The following WNT7B variants were observed in gnomAD, a reference collection of about 807,000 sequenced individuals.
The protein encoded by WNT7B is protein Wnt-7b.
In WNT7B, 19 loss-of-function variants were observed where a neutral mutation model predicts 38.2. That is an observed-to-expected ratio of 0.50 (90% CI 0.35 to 0.73). WNT7B has a LOEUF of 0.73. Ranked by LOEUF, WNT7B falls within the 30% of genes least tolerant of loss-of-function variation. WNT7B has a pLI of 0.01. For missense variants in WNT7B, 423 were observed against 507.9 expected, an observed-to-expected ratio of 0.83 and a Z score of 1.61; for synonymous variants, 243 against 209.3, an observed-to-expected ratio of 1.16 and a Z score of -1.39.
At chr22:45,958,404 GT>G (rs140845990) in intron 1 of WNT7B, among the ~76,000 whole-genome samples, 61 of 152,306 alleles carry the variant, frequency 4.0e-4, no homozygotes, top group African/African-American at 1.3e-3. Flanking sequence ...CGACACCCCT[GT>G]TGTGTTCAGG....
rs117155368 is a variant in WNT7B at position 45,930,162 on chromosome 22, C to A, written c.570+936G>T. On this transcript the variant is annotated intron_variant, in intron 3 of 3. Transcript: ENST00000339464. ...AGCCCTCACCGTCCTGGGTGTGACC[C>A]CTGCACCCCTCATGTGGACCCAGTT... Among the ~76,000 whole-genome samples the A allele has an allele frequency of 2.7e-3, 416 of 152,372 alleles. 5 individuals are homozygous for A. Among genetic ancestry groups the A allele is most frequent in the Admixed American group, 7.5e-3 (115 of 15,310 alleles).
At position 45,976,103 on chromosome 22, in the gene WNT7B, G is replaced by T. The variant is rs1932544997; in HGVS notation, c.71+581C>A. 6.9e-6 allele frequency: 1 copy of T among 145,476 alleles called. No individual in the cohort carries two copies. Among genetic ancestry groups the T allele is most frequent in the South Asian group, 2.1e-4 (1 of 4,796 alleles). The allele number at this position is 145,476 out of a possible 1,614,324, so 9.0% of individuals were successfully genotyped here. A position where few individuals can be genotyped will look rare whatever the true frequency, so the allele number is the denominator to read the frequency against. On this transcript the variant is annotated intron_variant, in intron 1 of 3. Coordinates refer to ENST00000339464, the MANE Select transcript of WNT7B (RefSeq NM_058238.3). This position sits in a 1 kb window ranked among gnomAD's most constrained non-coding sequence, Gnocchi z 8.5. ...GCACGGGCCCCGGACCGAGCCCGAG[G>T]CGGCCCGGCCGGCCCCACGGCCCAT...
chr22:45,941,395 C>T, intron 2 of WNT7B, among the ~76,000 whole-genome samples: 1 of 151,504 alleles, frequency 6.6e-6, no homozygotes, highest in East Asian at 1.9e-4. Flanking sequence ...CCTGTAATCC[C>T]AGCTACTCGG....
Position 45,923,246 on chromosome 22 carries a change from C to A in WNT7B, c.660G>T (p.Lys220Asn), listed in dbSNP as rs1601712224. The change falls in exon 4 of 4, where the codon AAG becomes AAT. Residue 220 changes from lysine (K) to asparagine (N), a missense_variant. Lys to Asn is a moderately conservative substitution (Grantham distance 94). Around this residue, in one of 3 missense-constraint regions of WNT7B, gnomAD observed 158 missense variants for 214.7 expected, o/e 0.74. Transcript: ENST00000339464. ...TCAGCAGGTGGCCCACCTCTCGGAA[C>A]TTGGGCAGCGTGGTCCAGCAGGTTT... is the stretch of plus-strand genomic sequence containing the variant. ...TTKTCWTTLP[K>N]FREVGHLLKE... The A allele has an allele frequency of 5.0e-6, 8 of 1,613,530 alleles. No homozygotes were observed. Among genetic ancestry groups the A allele is most frequent in the Non-Finnish European group, 6.8e-6 (8 of 1,180,034 alleles).
chr22:45,946,228 C>T (rs954709037), intron 2 of WNT7B, among the ~76,000 whole-genome samples: 3 of 152,224 alleles, frequency 2.0e-5, no homozygotes, highest in South Asian at 4.1e-4. Context: ...AAGCTCCTGT[C>T]ATTCCTGCAA....
chr22:45,944,125 G>A (rs28703961), intron 2 of WNT7B, among the ~76,000 whole-genome samples: 3,414 of 152,298 alleles, frequency 0.022, 153 homozygotes, highest in African/African-American at 0.079. Context: ...TGGGACCCGG[G>A]CAGATAGGGC....
Position 45,975,627 on chromosome 22 carries a change from A to C in WNT7B, c.71+1057T>G. 1.4e-6 allele frequency: 1 copy of C among 714,436 alleles called. No individual in the cohort carries two copies. Among genetic ancestry groups the C allele is most frequent in the Non-Finnish European group, 2.6e-6 (1 of 383,452 alleles). The allele number at this position is 714,436 out of a possible 1,614,324, so 44.3% of individuals were successfully genotyped here. A position where few individuals can be genotyped will look rare whatever the true frequency, so the allele number is the denominator to read the frequency against. On this transcript the variant is annotated intron_variant, in intron 1 of 3. Coordinates refer to ENST00000339464, the MANE Select transcript of WNT7B (RefSeq NM_058238.3). The surrounding 1 kb of genome is among the most constrained non-coding windows in gnomAD (Gnocchi z 6.6). ...CCTGCTTCCACCTCTCCGCCTGGGA[A>C]GCCGCGTCTCCCACCAGTGGTACCT...
At chr22:45,944,259 G>A (rs10453454) in intron 2 of WNT7B, among the ~76,000 whole-genome samples, 12 of 152,212 alleles carry the variant, frequency 7.9e-5, no homozygotes, top group East Asian at 7.7e-4. Context: ...AGGTGGCCTC[G>A]GAGGGGCCAT....
chr22:45,931,451 T>C (rs1931356688), intron 2 of WNT7B, 82 bp from the exon 3 acceptor site: 2 of 1,434,324 alleles, frequency 1.4e-6, no homozygotes, highest in Non-Finnish European at 1.8e-6. Flanking sequence ...CGGGCCTCGA[T>C]CCACCTGCTG....
In WNT7B at chr22:45,975,758, G is replaced by A. The variant is rs1601746466; in HGVS notation, c.71+926C>T. ...CAGTAGGCGCGCAGGGCGCGGCGGGGCCCGGGTCCCCGCAGGTGCGAGGAG... is the reference window on the plus strand; with the variant it reads ...CAGTAGGCGCGCAGGGCGCGGCGGGACCCGGGTCCCCGCAGGTGCGAGGAG... On this transcript the variant is annotated intron_variant, in intron 1 of 3. Coordinates refer to ENST00000339464, the MANE Select transcript of WNT7B (RefSeq NM_058238.3). The surrounding 1 kb of genome is among the most constrained non-coding windows in gnomAD (Gnocchi z 6.6). 2 of 377,720 alleles carry A rather than the reference G, an allele frequency of 5.3e-6. No homozygotes were observed. Among genetic ancestry groups the A allele is most frequent in the African/African-American group, 4.2e-5 (2 of 47,142 alleles). 23.4% of individuals were successfully genotyped at this position (377,720 alleles called of 1,614,324 possible). A position where few individuals can be genotyped will look rare whatever the true frequency, so the allele number is the denominator to read the frequency against.
chr22:45,947,691 A>G (rs1931829589), intron 2 of WNT7B, among the ~76,000 whole-genome samples: 1 of 152,148 alleles, frequency 6.6e-6, no homozygotes, highest in African/African-American at 2.4e-5. Flanking sequence ...AGAAGGGGAA[A>G]AGTTGACACC....
rs141257456 is a variant in WNT7B, at chr22:45,966,581, C to T, written c.71+10103G>A. 8.5e-3 allele frequency among the ~76,000 whole-genome samples: 1,289 copies of T among 152,334 alleles called. 9 individuals are homozygous for T. Among genetic ancestry groups the T allele is most frequent in the Non-Finnish European group, 0.014 (935 of 68,030 alleles). On this transcript the variant is annotated intron_variant, in intron 1 of 3. Coordinates refer to ENST00000339464, the MANE Select transcript of WNT7B (RefSeq NM_058238.3). The surrounding 1 kb of genome is among the most constrained non-coding windows in gnomAD (Gnocchi z 4.2). ...TGCTGACACCCGGCAAGCTGCTCGT[C>T]GGGTGCGGTGGCTTCCTCCCAGGCC... is the stretch of plus-strand genomic sequence containing the variant.
intron 2 of WNT7B, among the ~76,000 whole-genome samples, chr22:45,943,163 C>G (rs891323271): frequency 6.7e-6 from 1 of 148,596 alleles, no homozygotes; most frequent in African/African-American, 2.6e-5. Flanking sequence ...TCTGTCCTTC[C>G]CCCCCTGTTT....
In WNT7B at chr22:45,920,763, A is replaced by G. The variant is rs1930906243; in HGVS notation, c.*2093T>C. 1 of 130,434 alleles carries G rather than the reference A, an allele frequency of 7.7e-6. No homozygotes were observed. The highest frequency in any genetic ancestry group is 2.9e-5 in the African/African-American group (1 of 34,612). 8.1% of individuals were successfully genotyped at this position (130,434 alleles called of 1,614,324 possible). ...GATGGGATGGGATGGGGGATGAGGGATGGGGGCCGCAGCCATCCCCCTCTC... is the reference window on the plus strand; with the variant it reads ...GATGGGATGGGATGGGGGATGAGGGGTGGGGGCCGCAGCCATCCCCCTCTC... On this transcript the variant is annotated 3_prime_UTR_variant, in exon 4 of 4. Coordinates refer to ENST00000339464, the MANE Select transcript of WNT7B (RefSeq NM_058238.3).
At chr22:45,948,616 C>T (rs1931852643) in intron 2 of WNT7B, among the ~76,000 whole-genome samples, 1 of 152,172 alleles carries the variant, frequency 6.6e-6, no homozygotes, top group Non-Finnish European at 1.5e-5. Context: ...CCTCTTGCCA[C>T]AGCCTGGAGG....
At chr22:45,938,497 C>T (rs1029768105) in intron 2 of WNT7B, among the ~76,000 whole-genome samples, 1 of 151,994 alleles carries the variant, frequency 6.6e-6, no homozygotes, top group East Asian at 1.9e-4. Flanking sequence ...ATTAGCCAGG[C>T]GTGGTGGTGT....
At chr22:45,956,073 G>A (rs1395835976) in intron 1 of WNT7B, among the ~76,000 whole-genome samples, 1 of 152,206 alleles carries the variant, frequency 6.6e-6, no homozygotes, top group African/African-American at 2.4e-5. Flanking sequence ...ACCACTGCCA[G>A]GTGACAGACG....
chr22:45,964,255 T>C, intron 1 of WNT7B, among the ~76,000 whole-genome samples: 1 of 152,022 alleles, frequency 6.6e-6, no homozygotes, highest in East Asian at 1.9e-4. Context: ...CCTGGGCCTG[T>C]CACCCCCAGG....
In WNT7B at chr22:45,931,190, T is replaced by C. The variant is rs1216303854; in HGVS notation, c.478A>G (p.Ile160Val). Residue 160 changes from isoleucine to valine, a missense_variant, in exon 3 of 4, where the codon ATC (isoleucine) becomes GTC (valine). By Grantham distance (29) the Ile-to-Val change is conservative. Transcript: ENST00000339464. Reference protein sequence around the residue: ...GGCSADVRYGIDFSRRFVDAR... With the variant: ...GGCSADVRYGVDFSRRFVDAR... ...TCCACGAAGCGCCGGGAGAAGTCGA[T>C]GCCGTAACGCACGTCGGCCGAGCAG... The C allele has an allele frequency of 6.3e-7, 1 of 1,599,654 alleles. No individual in the cohort carries two copies.
Sources: allele counts gnomAD v4.1 joint callset (sites outside exome capture counted in the v4.1 genomes callset), GRCh38; gene constraint gnomAD v4.1.1; regional missense constraint gnomAD v4.1.1; non-coding constraint Gnocchi (gnomAD v3.1); transcripts MANE v1.5; gene names NCBI Gene and HGNC (gene_info 2026-07-23, HGNC 2026-07-21).